Variants in GNAL observed in about 807,000 individuals in gnomAD.
The protein encoded by GNAL is guanine nucleotide-binding protein G(olf) subunit alpha.
A neutral mutation model predicts 55.1 loss-of-function variants in GNAL; 18 were observed. That is an observed-to-expected ratio of 0.33 (90% CI 0.23 to 0.48). The LOEUF is 0.48. Among genes scored for constraint, GNAL ranks in the 20% least tolerant of loss-of-function variants. The pLI is 0.99. For synonymous variants in GNAL, 253 were observed against 237.0 expected, an observed-to-expected ratio of 1.07 and a Z score of -0.62; for missense variants, 412 against 614.1, an observed-to-expected ratio of 0.67 and a Z score of 3.48.
chr18:11,874,807 T>C (rs112104487), intron 10 of GNAL, among the ~76,000 whole-genome samples: 5,395 of 148,078 alleles, frequency 0.036, 395 homozygotes, highest in African/African-American at 0.13. Context: ...GCTGCACCCT[T>C]CCCTCCCTCA....
chr18:11,880,724 G>A (rs76301383), intron 11 of GNAL, among the ~76,000 whole-genome samples: 1 of 152,164 alleles, frequency 6.6e-6, no homozygotes, highest in African/African-American at 2.4e-5. Context: ...CTTCCTTTTT[G>A]GAAGCTCCTC....
At chr18:11,825,919 TA>T (rs1434695212) in intron 5 of GNAL, among the ~76,000 whole-genome samples, 1 of 152,174 alleles carries the variant, frequency 6.6e-6, no homozygotes, top group Admixed American at 6.5e-5. Context: ...TTTTGATAAT[TA>T]AAAATTGTAG....
chr18:11,869,860 G>A lies in GNAL; in HGVS notation c.1031+1197G>A, dbSNP rs114109105. 3.5e-3 allele frequency among the ~76,000 whole-genome samples: 531 copies of A among 152,254 alleles called. 5 individuals carry two copies. The highest frequency in any genetic ancestry group is 0.011 in the African/African-American group (458 of 41,550). On this transcript the variant is annotated intron_variant, in intron 9 of 11. Coordinates refer to ENST00000334049, the MANE Select transcript of GNAL (RefSeq NM_182978.4). Reference sequence around the variant, plus strand: ...GGAGGCGGAGGTTACAGTAAGCTGCGATTGCATCACTGCACGTCAGTCTGG... The same window carrying A: ...GGAGGCGGAGGTTACAGTAAGCTGCAATTGCATCACTGCACGTCAGTCTGG...
At chr18:11,818,011 G>A (rs1375343427) in intron 4 of GNAL, among the ~76,000 whole-genome samples, 7 of 151,532 alleles carry the variant, frequency 4.6e-5, no homozygotes, top group East Asian at 2.0e-4. Context: ...TGAGACGGGC[G>A]GATCACTTGA....
intron 4 of GNAL, among the ~76,000 whole-genome samples, chr18:11,809,014 T>C (rs1347832260): frequency 2.6e-5 from 4 of 152,172 alleles, no homozygotes; most frequent in African/African-American, 9.7e-5. Flanking sequence ...TCCCAGCACT[T>C]TGGGAGGCCA....
chr18:11,839,552 C>CAGAAAA (rs2035568071), intron 5 of GNAL, among the ~76,000 whole-genome samples: 1 of 81,674 alleles, frequency 1.2e-5, no homozygotes, highest in Non-Finnish European at 2.2e-5. Context: ...GACCTTGCCT[C>CAGAAAA]AAAAAAAAAA....
In GNAL at chr18:11,885,530, G is replaced by C; in HGVS notation, c.*4395G>C. ...TTCCCGGAAGGGTGTTTGGCAAGGG[G>C]CAGTGTATGGAGCTACGTGTAGAAG... On this transcript the variant is annotated 3_prime_UTR_variant, in exon 12 of 12. Coordinates refer to ENST00000334049, the MANE Select transcript of GNAL (RefSeq NM_182978.4). The C allele has an allele frequency of 1.1e-6, 1 of 917,382 alleles. No individual in the cohort carries two copies. The highest frequency in any genetic ancestry group is 1.6e-6 in the Non-Finnish European group (1 of 606,816). 56.8% of individuals were successfully genotyped at this position (917,382 alleles called of 1,614,324 possible). A position where few individuals can be genotyped will look rare whatever the true frequency, so the allele number is the denominator to read the frequency against.
intron 1 of GNAL, among the ~76,000 whole-genome samples, chr18:11,732,921 G>C (rs1342024659): frequency 6.6e-6 from 1 of 152,250 alleles, no homozygotes; most frequent in African/African-American, 2.4e-5. Context: ...GAACACAGGA[G>C]TGGGTATAGG....
At chr18:11,874,798 C>T (rs1373926672) in intron 10 of GNAL, among the ~76,000 whole-genome samples, 2 of 150,492 alleles carry the variant, frequency 1.3e-5, no homozygotes, top group Non-Finnish European at 3.0e-5. Flanking sequence ...ACAGCGGTTG[C>T]TGCACCCTTC....
intron 4 of GNAL, among the ~76,000 whole-genome samples, chr18:11,755,058 A>C (rs1006042159): frequency 1.3e-5 from 2 of 151,794 alleles, no homozygotes; most frequent in African/African-American, 2.4e-5. Context: ...CAGTCTTTCA[A>C]AATTTGTATT....
intron 1 of GNAL, among the ~76,000 whole-genome samples, chr18:11,699,054 A>T (rs1008804324): frequency 8.5e-5 from 13 of 152,310 alleles, no homozygotes; most frequent in African/African-American, 3.1e-4. Context: ...TCACTTCATG[A>T]TATTGAAAGT....
intron 4 of GNAL, among the ~76,000 whole-genome samples, chr18:11,789,337 T>C (rs542613344): frequency 1.3e-5 from 2 of 152,362 alleles, no homozygotes; most frequent in South Asian, 2.1e-4. Context: ...CAATAAGTGA[T>C]ACAAGAAGTG....
At chr18:11,698,556 T>C (rs7237945) in intron 1 of GNAL, among the ~76,000 whole-genome samples, 40,587 of 148,676 alleles carry the variant, frequency 0.27, 9,774 homozygotes, top group African/African-American at 0.66. Context: ...CATGGCCTGG[T>C]GGGTGCAGGA....
intron 9 of GNAL, among the ~76,000 whole-genome samples, chr18:11,870,532 A>G (rs2036373171): frequency 6.7e-6 from 1 of 149,798 alleles, no homozygotes; most frequent in Admixed American, 6.6e-5. Flanking sequence ...AAAAGTAAAA[A>G]AAAAAATTTT....
intron 5 of GNAL, among the ~76,000 whole-genome samples, chr18:11,846,464 T>TACACACACACAC (rs57334090): frequency 0.06 from 8,430 of 140,018 alleles, 371 homozygotes; most frequent in South Asian, 0.11. Context: ...TATATAAATA[T>TACACACACACAC]ACACACACAC....
intron 1 of GNAL, among the ~76,000 whole-genome samples, chr18:11,706,069 T>C (rs913484092): frequency 6.6e-6 from 1 of 152,166 alleles, no homozygotes; most frequent in Non-Finnish European, 1.5e-5. Flanking sequence ...CATTAGCCCA[T>C]TTTTTAATCC....
At position 11,884,449 on chromosome 18, in the gene GNAL, C is replaced by T; in HGVS notation, c.*3314C>T. ...ATTTATAATGGCGCCTGCTCTTCAT[C>T]TTGTCTTACGCTTTCCGAGCAAGTT... On this transcript the variant is annotated 3_prime_UTR_variant, in exon 12 of 12. Transcript: ENST00000334049. 6.2e-7 allele frequency: 1 copy of T among 1,613,318 alleles called. No individual in the cohort carries two copies. The highest frequency in any genetic ancestry group is 2.2e-5 in the East Asian group (1 of 44,860).
chr18:11,755,685 G>A (rs373205418), intron 4 of GNAL, among the ~76,000 whole-genome samples: 2 of 152,152 alleles, frequency 1.3e-5, no homozygotes, highest in East Asian at 3.9e-4. Context: ...TAAAATGGAG[G>A]AGTGAGGAGT....
At chr18:11,733,985 T>C (rs1362547552) in intron 1 of GNAL, among the ~76,000 whole-genome samples, 1 of 151,918 alleles carries the variant, frequency 6.6e-6, no homozygotes, top group South Asian at 2.1e-4. Flanking sequence ...ATTTCTCTCC[T>C]GGAGGAGGCC....
Sources: gnomAD v4.1 joint callset for allele counts (sites outside exome capture counted in the v4.1 genomes callset) on GRCh38, gnomAD v4.1.1 for gene constraint, MANE v1.5 for transcripts, NCBI Gene and HGNC (gene_info 2026-07-23, HGNC 2026-07-21) for gene names.